C9: variants seen among roughly 807,000 people sequenced by gnomAD.
C9 encodes the protein complement component C9.
In C9, 63 loss-of-function variants were observed where a neutral mutation model predicts 65.4. The ratio of observed to expected loss-of-function variants is 0.96; its 90% CI spans 0.79 to 1.19. The LOEUF (loss-of-function observed/expected upper bound fraction) is 1.19, where lower values mean the gene tolerates loss of function less well. Ranked by LOEUF, C9 falls within the 50% of genes most tolerant of loss-of-function variation. The probability of loss-of-function intolerance (pLI) is 0.00; values close to 1 mark genes in which losing one functional copy is unlikely to be tolerated. For missense variants in C9, 744 were observed against 670.1 expected, an observed-to-expected ratio of 1.11 and a Z score of -1.22; for synonymous variants, 229 against 227.9, an observed-to-expected ratio of 1.00 and a Z score of -0.04.
intron 9 of C9, among the ~76,000 whole-genome samples, chr5:39,297,222 C>T (rs566857082): frequency 5.3e-5 from 8 of 151,438 alleles, no homozygotes; most frequent in South Asian, 4.2e-4. Context: ...TACCCTGATC[C>T]GATAACTATA....
At position 39,331,710 on chromosome 5, in the gene C9, C is replaced by T. The variant is rs752732847; in HGVS notation, c.581G>A (p.Arg194Gln). ...CAAAGAAGCCACGTTCCAAGGTCTT[C>T]GGTAGTATGTCAGAGTGTTTCCATC... Reference protein sequence around the residue: ...DRDGNTLTYYRRPWNVASLIY... With the variant: ...DRDGNTLTYYQRPWNVASLIY... Residue 194 changes from arginine (R) to glutamine (Q), a missense_variant, in exon 5 of 11, where the codon CGA (arginine) becomes CAA (glutamine). Arg to Gln is a conservative substitution (Grantham distance 43). Transcript: ENST00000263408. 25 of 1,613,736 alleles carry T rather than the reference C, an allele frequency of 1.5e-5. No homozygotes were observed. The highest frequency in any genetic ancestry group is 8.9e-5 in the East Asian group (4 of 44,888).
intron 1 of C9, among the ~76,000 whole-genome samples, chr5:39,351,026 A>G (rs1333578486): frequency 6.6e-6 from 1 of 152,184 alleles, no homozygotes; most frequent in Non-Finnish European, 1.5e-5. Context: ...ATTCTCTGAA[A>G]TCTAGGTTGA....
chr5:39,342,155 T>G lies in C9; in HGVS notation c.119A>C (p.His40Pro). 1 of 1,610,038 alleles carries G rather than the reference T, an allele frequency of 6.2e-7. No homozygotes were observed. Among genetic ancestry groups the G allele is most frequent in the Non-Finnish European group, 8.5e-7 (1 of 1,176,250 alleles). Residue 40 changes from histidine to proline, a missense_variant, in exon 2 of 11, where the codon CAC becomes CCC. By Grantham distance (77) the His-to-Pro change is moderately conservative (BLOSUM62 -2). Transcript: ENST00000263408. ...ELTESSGSAS[H>P]IDCRMSPWSE... Reference sequence around the variant, plus strand: ...CCAGGGGCTCATTCTGCAGTCTATGTGTGATGCAGAGCCACTGCTTTCTGT... The same window carrying G: ...CCAGGGGCTCATTCTGCAGTCTATGGGTGATGCAGAGCCACTGCTTTCTGT...
chr5:39,356,249 CAGT>C (rs1394590724), intron 1 of C9, among the ~76,000 whole-genome samples: 1 of 152,138 alleles, frequency 6.6e-6, no homozygotes, highest in Non-Finnish European at 1.5e-5. Flanking sequence ...CAAAGTTGAA[CAGT>C]TAGTAGAAAA....
chr5:39,325,729 G>A (rs196393), intron 5 of C9, among the ~76,000 whole-genome samples: 57,277 of 145,424 alleles, frequency 0.39, 11,299 homozygotes, highest in Non-Finnish European at 0.44. Flanking sequence ...CTGAGATTGC[G>A]CCACTGCACT....
chr5:39,299,406 C>A (rs1048667257), intron 9 of C9, among the ~76,000 whole-genome samples: 2 of 152,012 alleles, frequency 1.3e-5, no homozygotes, highest in Non-Finnish European at 2.9e-5. Context: ...CAAAAAATAT[C>A]CCCGTCTGGG....
At position 39,315,907 on chromosome 5, in the gene C9, A is replaced by T. The variant is rs1280942920; in HGVS notation, c.738T>A (p.Thr246=). 1 of 1,613,146 alleles carries T rather than the reference A, an allele frequency of 6.2e-7. No individual in the cohort carries two copies. The highest frequency in any genetic ancestry group is 1.1e-5 in the South Asian group (1 of 91,056). ...AACATTGTTCAGCTTTATTTGTTTC[A>T]GTGGGTGTAAATTTTAGAGATATAG... ...NAAISLKFTP[T]ETNKAEQCCE... Residue 246 remains threonine (T), a synonymous_variant, in exon 6 of 11, where the codon ACT becomes ACA. Coordinates refer to ENST00000263408, the MANE Select transcript of C9 (RefSeq NM_001737.5).
intron 1 of C9, among the ~76,000 whole-genome samples, chr5:39,344,851 G>C (rs368985876): frequency 6.6e-6 from 1 of 152,196 alleles, no homozygotes; most frequent in East Asian, 1.9e-4. Context: ...AGCCAGAAGA[G>C]AGTGGGGGCA....
chr5:39,291,430 G>C (rs773962722), intron 9 of C9, among the ~76,000 whole-genome samples: 40 of 151,856 alleles, frequency 2.6e-4, no homozygotes, highest in Admixed American at 5.3e-4. Flanking sequence ...GGAAACATAA[G>C]TGATAGTGTG....
At chr5:39,338,576 T>C (rs1013935308) in intron 4 of C9, among the ~76,000 whole-genome samples, 1 of 152,204 alleles carries the variant, frequency 6.6e-6, no homozygotes, top group African/African-American at 2.4e-5. Flanking sequence ...GAACAATAGG[T>C]TTCATGAAGA....
chr5:39,288,792 A>C lies in C9; in HGVS notation c.1576T>G (p.Cys526Gly), dbSNP rs758668106. The change falls in exon 10 of 11, where the codon TGT becomes GGT. Residue 526 changes from cysteine to glycine, a missense_variant. Transcript: ENST00000263408. ...GGTVILMDGK[C>G]LCACPFKFEG... Reference sequence around the variant, plus strand: ...AATTTGAATGGGCAGGCACACAAACACTTTCCATCCATTAGAATCACTGTA... The same window carrying C: ...AATTTGAATGGGCAGGCACACAAACCCTTTCCATCCATTAGAATCACTGTA... 1 of 1,612,482 alleles carries C rather than the reference A, an allele frequency of 6.2e-7. No individual in the cohort carries two copies. Among genetic ancestry groups the C allele is most frequent in the Non-Finnish European group, 8.5e-7 (1 of 1,178,958 alleles).
In C9 at chr5:39,300,463, C is replaced by G. The variant is rs375968488; in HGVS notation, c.1416+6154G>C. Among the ~76,000 whole-genome samples the G allele has an allele frequency of 2.2e-4, 34 of 151,724 alleles. 1 individual carries two copies. The highest frequency in any genetic ancestry group is 6.8e-4 in the African/African-American group (28 of 41,416). ...CAAAAAGAAAAGAAAAAGAAAAGAACAAAGATCATCACATTTGATTTAAAA... is the reference window on the plus strand; with the variant it reads ...CAAAAAGAAAAGAAAAAGAAAAGAAGAAAGATCATCACATTTGATTTAAAA... On this transcript the variant is annotated intron_variant, in intron 9 of 10. Transcript: ENST00000263408.
intron 1 of C9, among the ~76,000 whole-genome samples, chr5:39,361,514 A>C (rs1232491126): frequency 6.6e-6 from 1 of 152,226 alleles, no homozygotes; most frequent in African/African-American, 2.4e-5. Context: ...TGTGCTAAGC[A>C]TGTTGTCTTT....
intron 9 of C9, among the ~76,000 whole-genome samples, chr5:39,297,134 TC>T (rs1377709289): frequency 1.3e-5 from 2 of 151,618 alleles, no homozygotes; most frequent in Non-Finnish European, 3.0e-5. Context: ...ATACATAGTT[TC>T]AGGTATCTAG....
intron 1 of C9, among the ~76,000 whole-genome samples, chr5:39,344,860 C>T (rs573624033): frequency 6.6e-6 from 1 of 152,168 alleles, no homozygotes; most frequent in South Asian, 2.1e-4. Context: ...AGAGTGGGGG[C>T]AATATTCAAC....
intron 1 of C9, among the ~76,000 whole-genome samples, chr5:39,349,920 C>T (rs189927670): frequency 1.3e-5 from 2 of 152,166 alleles, no homozygotes; most frequent in African/African-American, 4.8e-5. Flanking sequence ...CTCTCTCTCT[C>T]TCTTATTTTT....
chr5:39,331,692 G>A lies in C9; in HGVS notation c.599C>T (p.Ala200Val), dbSNP rs1255098868. Residue 200 changes from alanine to valine, a missense_variant, in exon 5 of 11, where the codon GCT becomes GTT. Ala to Val is a moderately conservative substitution (Grantham distance 64). Transcript: ENST00000263408. Reference protein sequence around the residue: ...LTYYRRPWNVASLIYETKGEK... With the variant: ...LTYYRRPWNVVSLIYETKGEK... ...GAGACTTACTTCATAGATCAAAGAA[G>A]CCACGTTCCAAGGTCTTCGGTAGTA... The A allele has an allele frequency of 1.2e-6, 2 of 1,613,924 alleles. No individual in the cohort carries two copies. Among genetic ancestry groups the A allele is most frequent in the East Asian group, 2.2e-5 (1 of 44,876 alleles).
chr5:39,344,435 A>G (rs996591609), intron 1 of C9, among the ~76,000 whole-genome samples: 6 of 152,262 alleles, frequency 3.9e-5, no homozygotes, highest in Non-Finnish European at 8.8e-5. Flanking sequence ...ATTGAAGATC[A>G]AATGAATGAA....
At chr5:39,285,501 G>A (rs548616913) in intron 10 of C9, among the ~76,000 whole-genome samples, 2 of 152,062 alleles carry the variant, frequency 1.3e-5, no homozygotes, top group Non-Finnish European at 2.9e-5. Flanking sequence ...ACTGATTCCT[G>A]GAGAAATTGG....
Sources: allele counts gnomAD v4.1 joint callset (sites outside exome capture counted in the v4.1 genomes callset), GRCh38; gene constraint gnomAD v4.1.1; transcripts MANE v1.5; gene names NCBI Gene and HGNC (gene_info 2026-07-23, HGNC 2026-07-21).